The following TAOK3 variants were observed in gnomAD, a reference collection of about 807,000 sequenced individuals.
TAOK3 encodes TAO kinase 3.
A neutral mutation model predicts 120.4 loss-of-function variants in TAOK3; 40 were observed. The observed-to-expected ratio is 0.33, with a 90% CI of 0.26 to 0.43. TAOK3 has a LOEUF of 0.43. TAOK3 is among the 20% of genes least tolerant of loss of function. The pLI is 1.00. For synonymous variants in TAOK3, 355 were observed against 387.5 expected (o/e 0.92, Z 0.99); for missense variants, 821 against 1,112.1 (o/e 0.74, Z 3.72).
At chr12:118,267,507 G>A (rs1008150771) in intron 1 of TAOK3, among the ~76,000 whole-genome samples, 13 of 150,476 alleles carry the variant, frequency 8.6e-5, no homozygotes, top group Admixed American at 1.3e-4. Flanking sequence ...GAGCCACCGC[G>A]CCCGGCTGGA....
chr12:118,202,652 GT>G (rs1041238122), intron 11 of TAOK3, among the ~76,000 whole-genome samples: 2 of 151,500 alleles, frequency 1.3e-5, no homozygotes, highest in African/African-American at 4.9e-5. Context: ...AATTCTTGAG[GT>G]TTACTTTATC....
intron 1 of TAOK3, among the ~76,000 whole-genome samples, chr12:118,362,178 TA>T (rs910267307): frequency 1.1e-4 from 16 of 152,198 alleles, no homozygotes; most frequent in African/African-American, 3.9e-4. Context: ...CAGCAATTAA[TA>T]AAACAAAAAT....
intron 1 of TAOK3, among the ~76,000 whole-genome samples, chr12:118,332,977 C>A (rs1180621330): frequency 3.3e-5 from 5 of 150,522 alleles, no homozygotes. Context: ...ACAGTTTCAA[C>A]ACACACACAC....
rs761262420 is a variant in TAOK3 at position 118,152,356 on chromosome 12, G to A, written c.2406C>T (p.Leu802=). ...EAECQALRLQ[L]QQEMELLNAY... Reference sequence around the variant, plus strand: ...CGTTGAGCAGCTCCATTTCCTGCTGGAGCTGTAGCCTCAAGGCCTGGCATT... The same window carrying A: ...CGTTGAGCAGCTCCATTTCCTGCTGAAGCTGTAGCCTCAAGGCCTGGCATT... Residue 802 remains leucine (L), a synonymous_variant, in exon 20 of 21, where the codon CTC becomes CTT. Coordinates refer to ENST00000392533, the MANE Select transcript of TAOK3 (RefSeq NM_016281.4). 3 of 1,613,964 alleles carry A rather than the reference G, an allele frequency of 1.9e-6. No homozygotes were observed. Among genetic ancestry groups the A allele is most frequent in the Non-Finnish European group, 2.5e-6 (3 of 1,180,012 alleles).
At chr12:118,205,791 A>T (rs1348314063) in intron 11 of TAOK3, among the ~76,000 whole-genome samples, 1 of 151,986 alleles carries the variant, frequency 6.6e-6, no homozygotes, top group Non-Finnish European at 1.5e-5. Flanking sequence ...TTGTATTTTT[A>T]GTAGAGATGG....
chr12:118,189,950 A>G lies in TAOK3; in HGVS notation c.1195-9T>C, dbSNP rs1157853684. 1 of 1,613,366 alleles carries G rather than the reference A, an allele frequency of 6.2e-7. No individual in the cohort carries two copies. ...CTTATGAATACATGATCCTGCAGAA[A>G]TGGATAAAAACAAGGAGAAAGTCCA... On this transcript the variant is annotated splice_polypyrimidine_tract_variant and intron_variant, in intron 13 of 20. Transcript: ENST00000392533.
chr12:118,182,895 A>G (rs2036852566), intron 14 of TAOK3, among the ~76,000 whole-genome samples: 2 of 152,082 alleles, frequency 1.3e-5, no homozygotes. Flanking sequence ...TCAAGTGAAC[A>G]TCCAACAAAT....
intron 5 of TAOK3, among the ~76,000 whole-genome samples, chr12:118,240,340 C>T (rs538638809): frequency 6.6e-5 from 10 of 151,886 alleles, no homozygotes; most frequent in South Asian, 2.1e-4. Context: ...CCACCACACG[C>T]GGCTAATTTT....
intron 1 of TAOK3, among the ~76,000 whole-genome samples, chr12:118,340,362 C>T (rs1393070444): frequency 1.3e-5 from 2 of 152,154 alleles, no homozygotes; most frequent in Non-Finnish European, 2.9e-5. Flanking sequence ...AAAGTGACTC[C>T]TTCTCCCCCT....
chr12:118,308,002 A>G (rs1398573930), intron 1 of TAOK3, among the ~76,000 whole-genome samples: 2 of 151,944 alleles, frequency 1.3e-5, no homozygotes, highest in African/African-American at 2.4e-5. Flanking sequence ...TAACAACATT[A>G]AACAGTTATA....
At chr12:118,232,856 G>A (rs1394755094) in intron 9 of TAOK3, among the ~76,000 whole-genome samples, 1 of 152,094 alleles carries the variant, frequency 6.6e-6, no homozygotes, top group Non-Finnish European at 1.5e-5. Context: ...AATGAGCCGA[G>A]ATTGTGCCAC....
intron 1 of TAOK3, among the ~76,000 whole-genome samples, chr12:118,352,186 A>G (rs2045200468): frequency 6.6e-6 from 1 of 151,898 alleles, no homozygotes; most frequent in Non-Finnish European, 1.5e-5. Flanking sequence ...CTATAGTTCT[A>G]TAGGATGGAA....
At chr12:118,294,406 T>TA (rs1214212234) in intron 1 of TAOK3, among the ~76,000 whole-genome samples, 1 of 151,886 alleles carries the variant, frequency 6.6e-6, no homozygotes, top group Admixed American at 6.6e-5. Flanking sequence ...CTTTTTTTGA[T>TA]AGAGTCTCGC....
In TAOK3 at chr12:118,197,682, CTTTTTTTTTTTT is replaced by C. The variant is rs67635506; in HGVS notation, c.1194+1357_1194+1368del. 1.2e-4 allele frequency among the ~76,000 whole-genome samples: 11 copies of C among 90,782 alleles called. No homozygotes were observed. In the East Asian group the frequency reaches 1.3e-3, roughly 11 times the overall value. The allele number at this position is 90,782 out of a possible 152,430, so 59.6% of individuals were successfully genotyped here. A position where few individuals can be genotyped will look rare whatever the true frequency, so the allele number is the denominator to read the frequency against. ...CAAAAAGACAGCCCAGCAAAACCTT[CTTTTTTTTTTTT>C]TTTTTTTTTTTGAGACGGAGTCTCA... On this transcript the variant is annotated intron_variant, in intron 13 of 20. Transcript: ENST00000392533.
At chr12:118,163,101 T>C (rs1000811882) in intron 17 of TAOK3, among the ~76,000 whole-genome samples, 2 of 152,194 alleles carry the variant, frequency 1.3e-5, no homozygotes, top group African/African-American at 2.4e-5. Context: ...GAATTTGGAA[T>C]TGATATTCAG....
intron 17 of TAOK3, among the ~76,000 whole-genome samples, chr12:118,169,968 G>A (rs1228710479): frequency 6.6e-6 from 1 of 151,954 alleles, no homozygotes; most frequent in Non-Finnish European, 1.5e-5. Flanking sequence ...TGATCCGCCC[G>A]CCTCGGCTTC....
chr12:118,347,418 T>C (rs1221758141), intron 1 of TAOK3, among the ~76,000 whole-genome samples: 1 of 152,134 alleles, frequency 6.6e-6, no homozygotes, highest in African/African-American at 2.4e-5. Context: ...ACTCCTCCTT[T>C]TGGCCTACAG....
chr12:118,337,527 G>A (rs932645795), intron 1 of TAOK3, among the ~76,000 whole-genome samples: 1 of 152,074 alleles, frequency 6.6e-6, no homozygotes, highest in African/African-American at 2.4e-5. Flanking sequence ...ATTCTTTAAT[G>A]GATAAAGGAT....
At chr12:118,220,104 C>T (rs1354939208) in intron 9 of TAOK3, among the ~76,000 whole-genome samples, 1 of 148,644 alleles carries the variant, frequency 6.7e-6, no homozygotes, top group African/African-American at 2.5e-5. Flanking sequence ...CATAAAGTCT[C>T]ATTATATTGC....
Sources: gnomAD v4.1 joint callset for allele counts (sites outside exome capture counted in the v4.1 genomes callset) on GRCh38, gnomAD v4.1.1 for gene constraint, MANE v1.5 for transcripts, NCBI Gene and HGNC (gene_info 2026-07-23, HGNC 2026-07-21) for gene names.